Variants in CCDC88C observed in about 807,000 individuals in gnomAD.
CCDC88C encodes the protein protein Daple.
Under a neutral mutation model 198.8 loss-of-function variants are expected in CCDC88C, and 131 were observed. The ratio of observed to expected loss-of-function variants is 0.66; its 90% CI spans 0.57 to 0.76. The LOEUF is 0.76. Among genes scored for constraint, CCDC88C ranks in the 30% least tolerant of loss-of-function variants. The probability of loss-of-function intolerance (pLI) is 0.00; values close to 1 mark genes in which losing one functional copy is unlikely to be tolerated. For synonymous variants in CCDC88C, 1,166 were observed against 1,114.7 expected, an observed-to-expected ratio of 1.05 and a Z score of -0.92; for missense variants, 2,553 against 2,631.6, an observed-to-expected ratio of 0.97 and a Z score of 0.65.
intron 24 of CCDC88C, among the ~76,000 whole-genome samples, chr14:91,290,068 T>A (rs903677978): frequency 6.6e-6 from 1 of 152,070 alleles, no homozygotes; most frequent in Non-Finnish European, 1.5e-5. Flanking sequence ...GGTCAGGAGT[T>A]CGAGACCAGC....
At chr14:91,383,223 G>A (rs987161122) in intron 3 of CCDC88C, among the ~76,000 whole-genome samples, 6 of 150,680 alleles carry the variant, frequency 4.0e-5, no homozygotes, top group Admixed American at 1.3e-4. Context: ...CTCGAACCCT[G>A]GCTCTGCCAG....
At chr14:91,405,439 C>T (rs535556356) in intron 3 of CCDC88C, among the ~76,000 whole-genome samples, 14 of 152,272 alleles carry the variant, frequency 9.2e-5, no homozygotes, top group South Asian at 6.2e-4. Flanking sequence ...TCAGGACCTT[C>T]GGGGCTACTT....
intron 29 of CCDC88C, among the ~76,000 whole-genome samples, chr14:91,277,101 T>C (rs1212440953): frequency 2.6e-5 from 4 of 152,098 alleles, no homozygotes; most frequent in African/African-American, 9.7e-5. Context: ...TCCCGAGTAG[T>C]TGGGGTTAAA....
rs1157769231 is a variant in CCDC88C, at chr14:91,386,302, AAAC to A, written c.270+22354_270+22356del. 1.1e-3 allele frequency among the ~76,000 whole-genome samples: 162 copies of A among 150,630 alleles called. 2 individuals carry two copies. Among genetic ancestry groups the A allele is most frequent in the African/African-American group, 3.7e-3 (154 of 41,136 alleles). On this transcript the variant is annotated intron_variant, in intron 3 of 29. Transcript: ENST00000389857. ...CTACTAAAAATACAAAAAAAAAAAA[AAAC>A]AAAAACCTAGCTGGGCATGGTGGTG... is the stretch of plus-strand genomic sequence containing the variant.
At chr14:91,367,721 C>T (rs1477994135) in intron 3 of CCDC88C, among the ~76,000 whole-genome samples, 1 of 152,090 alleles carries the variant, frequency 6.6e-6, no homozygotes, top group Non-Finnish European at 1.5e-5. Context: ...GAGTCTGACA[C>T]GTGAGGGACA....
intron 18 of CCDC88C, 90 bp from the exon 19 acceptor site, chr14:91,306,016 A>G (rs371259850): frequency 1.4e-5 from 20 of 1,408,886 alleles, no homozygotes; most frequent in East Asian, 7.2e-5. Flanking sequence ...AACCCTCAAA[A>G]GTTGATGTTT....
At position 91,279,285 on chromosome 14, in the gene CCDC88C, TCTAAG is replaced by T; in HGVS notation, c.4716_4720del (p.Ser1572ArgfsTer4). The T allele has an allele frequency of 6.2e-7, 1 of 1,602,768 alleles. No homozygotes were observed. Among genetic ancestry groups the T allele is most frequent in the Non-Finnish European group, 8.5e-7 (1 of 1,173,828 alleles). On this transcript the variant is annotated frameshift_variant, in exon 28 of 30. Coordinates refer to ENST00000389857, the MANE Select transcript of CCDC88C (RefSeq NM_001080414.4). LOFTEE classifies it high-confidence loss of function. ...GTTGCTGGATGTGTTTCTACTGCTC[TCTAAG>T]CTACTTGGCCGCGACACTGAAAGGA...
chr14:91,355,049 G>A (rs1285805), intron 4 of CCDC88C, among the ~76,000 whole-genome samples: 150,277 of 152,280 alleles, frequency 0.99, 74,157 homozygotes, highest in East Asian at 1. Flanking sequence ...CCTAGTGCCC[G>A]GAGCGGGCTG....
intron 3 of CCDC88C, among the ~76,000 whole-genome samples, chr14:91,398,129 T>C (rs1885960983): frequency 6.6e-6 from 1 of 152,208 alleles, no homozygotes; most frequent in African/African-American, 2.4e-5. Context: ...TCTCAGCCTT[T>C]TGATTTGGGC....
In CCDC88C at chr14:91,305,825, T is replaced by C; in HGVS notation, c.3297A>G (p.Lys1099=). 6.2e-7 allele frequency: 1 copy of C among 1,613,996 alleles called. No individual in the cohort carries two copies. Among genetic ancestry groups the C allele is most frequent in the Non-Finnish European group, 8.5e-7 (1 of 1,179,874 alleles). The change falls in exon 19 of 30, where the codon AAA becomes AAG. Residue 1099 remains lysine, a synonymous_variant. Transcript: ENST00000389857. The part of the protein sequence containing the change: ...TFSSQILTLQ[K]QSAFLQEHNT... ...TGTGCTCCTGCAGGAAGGCGCTCTG[T>C]TTCTGCAGTGTCAAGATCTGGCTGC...
rs139544500 is a variant in CCDC88C, at chr14:91,281,488, C to T, written c.4668G>A (p.Leu1556=). 7.4e-3 allele frequency: 11,950 copies of T among 1,613,946 alleles called. 56 individuals carry two copies. The highest frequency in any genetic ancestry group is 8.7e-3 in the Non-Finnish European group (10,306 of 1,179,844). ...GCCTGTGGTTGGGGACCTCAAACTCCAGGGATGGCTCACAGAGGTTGTCAT... is the reference window on the plus strand; with the variant it reads ...GCCTGTGGTTGGGGACCTCAAACTCTAGGGATGGCTCACAGAGGTTGTCAT... ...NSDDNLCEPS[L]EFEVPNHRQY... is the part of the protein sequence containing the mutation. Residue 1556 remains leucine, a synonymous_variant, in exon 27 of 30, where the codon CTG becomes CTA. Transcript: ENST00000389857.
chr14:91,307,171 T>C lies in CCDC88C; in HGVS notation c.3062A>G (p.Gln1021Arg). ...CCCCGCAGGGTGCTTGAAAGAGTTC[T>C]GCAAGTGCTGCCCCTCTCCCTGGTT... The part of the protein sequence containing the change: ...RQNQGEGQHL[Q>R]NSFKHPAGKT... The change falls in exon 18 of 30, where the codon CAG (glutamine) becomes CGG (arginine). Residue 1021 changes from glutamine to arginine, a missense_variant. Gln to Arg is a conservative substitution (Grantham distance 43). Around this residue, in one of 2 missense-constraint regions of CCDC88C, gnomAD observed 1,260 missense variants for 1,412.0 expected, o/e 0.89. Coordinates refer to ENST00000389857, the MANE Select transcript of CCDC88C (RefSeq NM_001080414.4). 6.2e-7 allele frequency: 1 copy of C among 1,613,962 alleles called. No individual in the cohort carries two copies. The highest frequency in any genetic ancestry group is 8.5e-7 in the Non-Finnish European group (1 of 1,179,888).
intron 2 of CCDC88C, among the ~76,000 whole-genome samples, chr14:91,412,850 A>G (rs1029112940): frequency 1.1e-4 from 17 of 152,226 alleles, no homozygotes; most frequent in Non-Finnish European, 2.1e-4. Context: ...TTTTGCGCCA[A>G]TACAAATTCA....
chr14:91,338,625 C>A lies in CCDC88C; in HGVS notation c.810-55G>T. Reference sequence around the variant, plus strand: ...GGAGGCAGCTTCCTCAACAAGCAGCCCTGGGAGCAGGCTGCCACTTCCTAA... The same window carrying A: ...GGAGGCAGCTTCCTCAACAAGCAGCACTGGGAGCAGGCTGCCACTTCCTAA... On this transcript the variant is annotated intron_variant, in intron 8 of 29. Transcript: ENST00000389857. This position sits in a 1 kb window ranked among gnomAD's most constrained non-coding sequence, Gnocchi z 4.8. 1.5e-6 allele frequency: 2 copies of A among 1,365,242 alleles called. No homozygotes were observed. Among genetic ancestry groups the A allele is most frequent in the East Asian group, 2.5e-5 (1 of 39,944 alleles). The allele number at this position is 1,365,242 out of a possible 1,614,324, so 84.6% of individuals were successfully genotyped here.
At chr14:91,358,550 A>T (rs1005616072) in intron 4 of CCDC88C, among the ~76,000 whole-genome samples, 1 of 152,258 alleles carries the variant, frequency 6.6e-6, no homozygotes. Flanking sequence ...AAACACACAC[A>T]GGTGAAAGGG....
At chr14:91,283,677 C>G (rs141037411) in intron 25 of CCDC88C, 160 bp from the exon 26 acceptor site, 3 of 682,340 alleles carry the variant, frequency 4.4e-6, no homozygotes, top group Non-Finnish European at 7.3e-6. Flanking sequence ...TGGGGCCTGG[C>G]GGGGCAGGTG....
chr14:91,274,102 C>T (rs1341600058), intron 29 of CCDC88C, among the ~76,000 whole-genome samples: 4 of 151,700 alleles, frequency 2.6e-5, no homozygotes, highest in African/African-American at 9.7e-5. Flanking sequence ...CTTGCGCCAC[C>T]GAGAGCAAGA....
intron 3 of CCDC88C, among the ~76,000 whole-genome samples, chr14:91,365,674 G>A (rs35859779): frequency 7.9e-5 from 12 of 152,078 alleles, no homozygotes; most frequent in African/African-American, 1.7e-4. Context: ...CCTTAGCCCC[G>A]CTCTGAGAAC....
intron 21 of CCDC88C, among the ~76,000 whole-genome samples, chr14:91,298,692 C>T (rs912107141): frequency 2.6e-5 from 4 of 152,222 alleles, no homozygotes; most frequent in Admixed American, 6.5e-5. Context: ...CTCTGCTGCC[C>T]TTTTAGACGA....
Sources: gnomAD v4.1 joint callset for allele counts (sites outside exome capture counted in the v4.1 genomes callset) on GRCh38, gnomAD v4.1.1 for gene constraint, gnomAD v4.1.1 regional missense constraint, Gnocchi (gnomAD v3.1) non-coding constraint, MANE v1.5 for transcripts, NCBI Gene and HGNC (gene_info 2026-07-23, HGNC 2026-07-21) for gene names.